LPCAT2: variants seen among roughly 807,000 people sequenced by gnomAD.
LPCAT2 encodes lysophosphatidylcholine acyltransferase 2, also known as 1-AGP acyltransferase 11.
Under a neutral mutation model 64.7 loss-of-function variants are expected in LPCAT2, and 58 were observed. The ratio of observed to expected loss-of-function variants is 0.90; its 90% CI spans 0.73 to 1.12. The LOEUF (loss-of-function observed/expected upper bound fraction) is 1.12, where lower values mean the gene tolerates loss of function less well. Among genes scored for constraint, LPCAT2 ranks in the 50% most tolerant of loss-of-function variants. The pLI is 0.00. For missense variants in LPCAT2, 579 were observed against 669.8 expected (o/e 0.86, Z 1.50); for synonymous variants, 252 against 245.3 (o/e 1.03, Z -0.26).
At chr16:55,512,213 T>C (rs1437623817) in intron 1 of LPCAT2, among the ~76,000 whole-genome samples, 1 of 152,224 alleles carries the variant, frequency 6.6e-6, no homozygotes, top group African/African-American at 2.4e-5. Flanking sequence ...TCATTATATT[T>C]GTAAGTCAGT....
chr16:55,532,790 A>G (rs1436098412), intron 5 of LPCAT2, 34 bp from the exon 6 acceptor site: 2 of 1,523,934 alleles, frequency 1.3e-6, no homozygotes, highest in African/African-American at 1.4e-5. Context: ...TTATTCACAT[A>G]AAAACACATT....
intron 1 of LPCAT2, among the ~76,000 whole-genome samples, chr16:55,523,481 C>T (rs532348997): frequency 2.0e-5 from 3 of 151,726 alleles, no homozygotes; most frequent in African/African-American, 4.8e-5. Context: ...GAGATTTGAA[C>T]ATTGATGTTC....
At chr16:55,530,030 ATAGCAATATCTGTGGACACCTATACTAGG>A in intron 4 of LPCAT2, 83 bp downstream of exon 4, 1 of 980,088 alleles carries the variant, frequency 1.0e-6, no homozygotes, top group Non-Finnish European at 1.5e-6. Flanking sequence ...GGATCCACAG[ATAGCAATATCTGTGGACACCTATACTAGG>A]TATTGTTAGC....
At position 55,582,158 on chromosome 16, in the gene LPCAT2, A is replaced by C. The variant is rs142527841; in HGVS notation, c.1451-756A>C. 3.9e-5 allele frequency among the ~76,000 whole-genome samples: 6 copies of C among 152,324 alleles called. No homozygotes were observed. In the East Asian group the frequency reaches 5.8e-4, roughly 15 times the overall value. Reference sequence around the variant, plus strand: ...AAATAAAACATATAAAGCACAACGAAGTTTTATAAAGTGAACACCCATGTA... The same window carrying C: ...AAATAAAACATATAAAGCACAACGACGTTTTATAAAGTGAACACCCATGTA... On this transcript the variant is annotated intron_variant, in intron 13 of 13. Coordinates refer to ENST00000262134, the MANE Select transcript of LPCAT2 (RefSeq NM_017839.5).
intron 11 of LPCAT2, chr16:55,566,583 C>A (rs1045166009): frequency 2.3e-5 from 15 of 651,514 alleles, no homozygotes; most frequent in African/African-American, 2.2e-4. Context: ...GCTAGGACCT[C>A]ATGGAACTCA....
At chr16:55,571,772 ATC>A in intron 11 of LPCAT2, among the ~76,000 whole-genome samples, 1 of 152,302 alleles carries the variant, frequency 6.6e-6, no homozygotes, top group East Asian at 1.9e-4. Flanking sequence ...TATAATTTTT[ATC>A]TGTTTTGGGG....
At chr16:55,574,156 G>A (rs1448366693) in intron 11 of LPCAT2, among the ~76,000 whole-genome samples, 3 of 152,180 alleles carry the variant, frequency 2.0e-5, no homozygotes, top group Non-Finnish European at 4.4e-5. Flanking sequence ...AAGAAAAAAT[G>A]TAGCTGTGAT....
intron 8 of LPCAT2, chr16:55,539,850 T>G (rs1485422721): frequency 2.6e-5 from 4 of 152,208 alleles, no homozygotes; most frequent in Non-Finnish European, 5.9e-5. Context: ...ATTTTAAACA[T>G]GTTTTTAGAA....
chr16:55,554,835 C>T lies in LPCAT2; in HGVS notation c.1215+3733C>T, dbSNP rs192037944. 2.7e-3 allele frequency among the ~76,000 whole-genome samples: 409 copies of T among 152,216 alleles called. 2 individuals are homozygous for T. Among genetic ancestry groups the T allele is most frequent in the Admixed American group, 3.8e-3 (58 of 15,286 alleles). The stretch of plus-strand genomic sequence containing the variant: ...TAGGGGCCGTTGTAGTGTTATTACT[C>T]GGCCTAATTTCAGTATTGCTGTGTC... On this transcript the variant is annotated intron_variant, in intron 11 of 13. Coordinates refer to ENST00000262134, the MANE Select transcript of LPCAT2 (RefSeq NM_017839.5).
At chr16:55,546,373 A>G (rs2142395814) in intron 9 of LPCAT2, among the ~76,000 whole-genome samples, 1 of 152,310 alleles carries the variant, frequency 6.6e-6, no homozygotes, top group African/African-American at 2.4e-5. Context: ...TCTTGTAATG[A>G]AAGAATGTAT....
intron 4 of LPCAT2, among the ~76,000 whole-genome samples, chr16:55,531,023 AGTT>A (rs1309274084): frequency 1.3e-5 from 2 of 152,216 alleles, no homozygotes; most frequent in East Asian, 3.9e-4. Context: ...TTAGTAGTTT[AGTT>A]GTTGAATTTT....
intron 1 of LPCAT2, among the ~76,000 whole-genome samples, chr16:55,515,201 A>G (rs1456258806): frequency 6.6e-6 from 1 of 151,676 alleles, no homozygotes; most frequent in African/African-American, 2.4e-5. Flanking sequence ...TGCCTTCCCA[A>G]GGAGCTCAAG....
rs550136038 is a variant in LPCAT2, at chr16:55,545,591, A to G, written c.853-144A>G. On this transcript the variant is annotated intron_variant, in intron 8 of 13. Transcript: ENST00000262134. ...GCTTAGAAACAGATCTCCTGAGTAC[A>G]AGCCCAGTGCCCCATTACCTCATAT... is the stretch of plus-strand genomic sequence containing the variant. 11 of 580,150 alleles carry G rather than the reference A, an allele frequency of 1.9e-5. No homozygotes were observed. In the African/African-American group the frequency reaches 1.9e-4, roughly 10 times the overall value. 35.9% of individuals were successfully genotyped at this position (580,150 alleles called of 1,614,324 possible).
intron 1 of LPCAT2, among the ~76,000 whole-genome samples, chr16:55,518,667 A>G (rs1339883254): frequency 3.9e-5 from 6 of 152,224 alleles, no homozygotes; most frequent in Non-Finnish European, 7.3e-5. Flanking sequence ...TGCCAAGACA[A>G]TAAAATGGGG....
chr16:55,525,293 C>T (rs771961600), intron 1 of LPCAT2, among the ~76,000 whole-genome samples: 6 of 152,068 alleles, frequency 3.9e-5, no homozygotes, highest in Non-Finnish European at 5.9e-5. Flanking sequence ...CGGTTTTCTT[C>T]AGTGTTTCTC....
At chr16:55,580,342 G>A (rs1963874869) in intron 13 of LPCAT2, among the ~76,000 whole-genome samples, 1 of 152,084 alleles carries the variant, frequency 6.6e-6, no homozygotes, top group Admixed American at 6.6e-5. Flanking sequence ...TTCTTCTCTG[G>A]CTATTTTCAT....
chr16:55,523,184 A>G (rs1013135239), intron 1 of LPCAT2, among the ~76,000 whole-genome samples: 2 of 151,802 alleles, frequency 1.3e-5, no homozygotes, highest in Non-Finnish European at 3.0e-5. Flanking sequence ...AATGACCAAT[A>G]AGTATATGAA....
intron 1 of LPCAT2, among the ~76,000 whole-genome samples, chr16:55,517,779 C>A (rs1418745328): frequency 6.6e-6 from 1 of 152,066 alleles, no homozygotes; most frequent in Admixed American, 6.6e-5. Context: ...ATGATAAAAA[C>A]CACTCAATAA....
chr16:55,511,313 G>A (rs1414424195), intron 1 of LPCAT2, among the ~76,000 whole-genome samples: 1 of 152,170 alleles, frequency 6.6e-6, no homozygotes, highest in African/African-American at 2.4e-5. Context: ...ATAGATCAGA[G>A]ATACAAGAGG....
Sources: allele counts gnomAD v4.1 joint callset (sites outside exome capture counted in the v4.1 genomes callset), GRCh38; gene constraint gnomAD v4.1.1; transcripts MANE v1.5; gene names NCBI Gene and HGNC (gene_info 2026-07-23, HGNC 2026-07-21).